ORC3: variants seen among roughly 807,000 people sequenced by gnomAD.
ORC3 encodes homolog of latheo, Drosophila.
A neutral mutation model predicts 100.7 loss-of-function variants in ORC3; 78 were observed. The observed-to-expected ratio is 0.77, with a 90% CI of 0.65 to 0.94. ORC3 has a LOEUF of 0.94. Among genes scored for constraint, ORC3 ranks in the 40% least tolerant of loss-of-function variants. The pLI is 0.00. For missense variants in ORC3, 789 were observed against 823.9 expected, an observed-to-expected ratio of 0.96 and a Z score of 0.52; for synonymous variants, 295 against 289.3, an observed-to-expected ratio of 1.02 and a Z score of -0.20.
the ORC3 span, chr6:87,675,320 C>T: frequency 1.0e-5 from 5 of 488,684 alleles, no homozygotes; most frequent in South Asian, 1.7e-4. Context: ...AGCTTTAATC[C>T]TTTTCAAACA....
intron 2 of ORC3, among the ~76,000 whole-genome samples, chr6:87,599,933 A>C (rs1337962727): frequency 1.3e-5 from 2 of 152,114 alleles, no homozygotes; most frequent in African/African-American, 4.8e-5. Flanking sequence ...AGATCTCACC[A>C]CTTCACTCCA....
chr6:87,616,686 A>C (rs534345594), intron 9 of ORC3, among the ~76,000 whole-genome samples: 2 of 152,208 alleles, frequency 1.3e-5, no homozygotes, highest in Admixed American at 6.5e-5. Flanking sequence ...GGGCAAGCAG[A>C]CTTTTTTGGT....
chr6:87,653,751 G>A (rs1320265211), intron 14 of ORC3, among the ~76,000 whole-genome samples: 4 of 152,238 alleles, frequency 2.6e-5, no homozygotes, highest in Non-Finnish European at 5.9e-5. Flanking sequence ...TACTTTAATC[G>A]GATTTACAAA....
At chr6:87,599,388 G>T (rs1417701176) in intron 2 of ORC3, among the ~76,000 whole-genome samples, 1 of 105,850 alleles carries the variant, frequency 9.4e-6, no homozygotes, top group Non-Finnish European at 2.0e-5. Context: ...TTTATTTTGA[G>T]GCAAGGTTTT....
chr6:87,617,328 C>T (rs964961782), intron 9 of ORC3, among the ~76,000 whole-genome samples: 1 of 152,034 alleles, frequency 6.6e-6, no homozygotes, highest in African/African-American at 2.4e-5. Context: ...TATGCTGTAA[C>T]CTAAAAAAGA....
chr6:87,650,303 AT>A (rs1187333538), intron 13 of ORC3, among the ~76,000 whole-genome samples: 2 of 152,038 alleles, frequency 1.3e-5, no homozygotes, highest in African/African-American at 4.8e-5. Context: ...TGGTCTTCCC[AT>A]CGGCCTCCCA....
chr6:87,615,551 C>T (rs1040079605), intron 8 of ORC3, among the ~76,000 whole-genome samples: 5 of 152,218 alleles, frequency 3.3e-5, no homozygotes, highest in South Asian at 2.1e-4. Context: ...TTGGCTAGGC[C>T]GGAAAGGGTG....
At chr6:87,621,285 G>A (rs574660447) in intron 9 of ORC3, 69 bp from the exon 10 acceptor site, 5 of 1,173,042 alleles carry the variant, frequency 4.3e-6, no homozygotes, top group South Asian at 4.6e-5. Context: ...TTAAAATTGA[G>A]CAGATTGTAG....
rs61747273 is a variant in ORC3, at chr6:87,663,095, C to T, written c.1784C>T (p.Pro595Leu). The T allele has an allele frequency of 7.9e-4, 1,277 of 1,612,486 alleles. 1 individual carries two copies. Among genetic ancestry groups the T allele is most frequent in the Non-Finnish European group, 1.0e-3 (1,201 of 1,178,784 alleles). The change falls in exon 17 of 20, where the codon CCG (proline) becomes CTG (leucine). Residue 595 changes from proline (P) to leucine (L), a missense_variant. Transcript: ENST00000392844. ...HALREHLNAA[P>L]RIALHTALNN... ...CTTCGTGAGCATTTAAATGCTGCTC[C>T]GCGAATTGCCCTCCATACTGCACTC...
intron 9 of ORC3, among the ~76,000 whole-genome samples, chr6:87,618,070 C>T (rs905596076): frequency 6.6e-6 from 1 of 152,206 alleles, no homozygotes; most frequent in African/African-American, 2.4e-5. Context: ...TGTCAAGAAC[C>T]TATTGTCAAC....
chr6:87,627,438 G>A (rs1336715184), intron 11 of ORC3, among the ~76,000 whole-genome samples: 1 of 150,802 alleles, frequency 6.6e-6, no homozygotes, highest in Non-Finnish European at 1.5e-5. Flanking sequence ...TGGGATTAGA[G>A]GCATGGGTCA....
intron 11 of ORC3, among the ~76,000 whole-genome samples, chr6:87,630,221 C>T (rs1025688555): frequency 1.3e-5 from 2 of 152,002 alleles, no homozygotes; most frequent in East Asian, 1.9e-4. Context: ...GCCTGGGCAA[C>T]ATAATGAGAC....
intron 9 of ORC3, among the ~76,000 whole-genome samples, chr6:87,618,637 C>T (rs1215753110): frequency 6.6e-6 from 1 of 151,968 alleles, no homozygotes; most frequent in Non-Finnish European, 1.5e-5. Flanking sequence ...AATGCTATTG[C>T]AGTAATCTAG....
intron 2 of ORC3, 37 bp downstream of exon 2, chr6:87,594,444 CTTCTTAAACT>C: frequency 6.6e-7 from 1 of 1,516,130 alleles, no homozygotes; most frequent in Non-Finnish European, 9.0e-7. Flanking sequence ...TATTCCCTAC[CTTCTTAAACT>C]ATTAGGAACT....
intron 16 of ORC3, among the ~76,000 whole-genome samples, chr6:87,659,974 C>T (rs1583169674): frequency 6.6e-6 from 1 of 152,156 alleles, no homozygotes; most frequent in African/African-American, 2.4e-5. Context: ...CCCTACTGGG[C>T]TTTCCTGTTC....
Position 87,612,174 on chromosome 6 carries a change from G to T in ORC3, c.799G>T (p.Val267Leu), listed in dbSNP as rs1186083980. 6.8e-6 allele frequency: 11 copies of T among 1,613,096 alleles called. No individual in the cohort carries two copies. The highest frequency in any genetic ancestry group is 1.3e-5 in the African/African-American group (1 of 74,892). The change falls in exon 8 of 20, where the codon GTA becomes TTA. Residue 267 changes from valine to leucine, a missense_variant. Val to Leu is a conservative substitution (Grantham distance 32). Coordinates refer to ENST00000392844, the MANE Select transcript of ORC3 (RefSeq NM_012381.4). ...IIIHRLLPHAVSSLLCIELFQ... is the reference protein window; with the variant it reads ...IIIHRLLPHALSSLLCIELFQ... ...CATCCACCGATTGCTTCCTCATGCAGTATCATCTCTATTGTGCATAGAACT... is the reference window on the plus strand; with the variant it reads ...CATCCACCGATTGCTTCCTCATGCATTATCATCTCTATTGTGCATAGAACT...
At chr6:87,677,515 G>A in the ORC3 span, among the ~76,000 whole-genome samples, 8 of 152,026 alleles carry the variant, frequency 5.3e-5, 1 homozygote, top group South Asian at 4.1e-4. Flanking sequence ...TGATGGTAAC[G>A]TTATGAAAAA....
rs751436971 is a variant in ORC3, at chr6:87,605,980, T to C, written c.386T>C (p.Val129Ala). The change falls in exon 5 of 20, where the codon GTC (valine) becomes GCC (alanine). Residue 129 changes from valine to alanine, a missense_variant. Val to Ala is a moderately conservative substitution (Grantham distance 64). This residue lies in a region of ORC3 where 399 missense variants were observed against 382.0 expected (regional missense o/e 1.04). Coordinates refer to ENST00000392844, the MANE Select transcript of ORC3 (RefSeq NM_012381.4). ...GSLTEALQNNVTPYVVSLQAK... is the reference protein window; with the variant it reads ...GSLTEALQNNATPYVVSLQAK... ...CTAACAGAGGCCCTTCAGAATAATG[T>C]CACACCATATGTAGTCTCATTGCAA... 5 of 1,608,720 alleles carry C rather than the reference T, an allele frequency of 3.1e-6. No homozygotes were observed. The South Asian group carries it at 5.5e-5, about 18-fold the overall frequency.
At chr6:87,668,191 C>G (rs1195873929), downstream of ORC3, among the ~76,000 whole-genome samples, 2 of 152,168 alleles carry the variant, frequency 1.3e-5, no homozygotes, top group African/African-American at 2.4e-5. Context: ...AGGCTACTCA[C>G]TAACATACAA....
Sources: allele counts gnomAD v4.1 joint callset (sites outside exome capture counted in the v4.1 genomes callset), GRCh38; gene constraint gnomAD v4.1.1; regional missense constraint gnomAD v4.1.1; transcripts MANE v1.5; gene names NCBI Gene and HGNC (gene_info 2026-07-23, HGNC 2026-07-21).